The following PPIL1 variants were observed in gnomAD, a reference collection of about 807,000 sequenced individuals.
The protein encoded by PPIL1 is peptidylprolyl isomerase like 1.
In PPIL1, 14 loss-of-function variants were observed where a neutral mutation model predicts 19.4. The ratio of observed to expected loss-of-function variants is 0.72; its 90% CI spans 0.48 to 1.13. The LOEUF (loss-of-function observed/expected upper bound fraction) is 1.13. PPIL1 is among the 50% of genes most tolerant of loss of function. PPIL1 has a pLI of 0.00. For missense variants in PPIL1, 192 were observed against 218.0 expected, an observed-to-expected ratio of 0.88 and a Z score of 0.75; for synonymous variants, 72 against 73.6, an observed-to-expected ratio of 0.98 and a Z score of 0.11.
At chr6:36,865,924 T>C (rs768597704) in intron 2 of PPIL1, among the ~76,000 whole-genome samples, 9 of 152,218 alleles carry the variant, frequency 5.9e-5, no homozygotes, top group Non-Finnish European at 1.2e-4. Flanking sequence ...TAACAGAGCT[T>C]GCTGTTCAAC....
At chr6:36,860,512 TTTC>T (rs1774263946) in intron 2 of PPIL1, among the ~76,000 whole-genome samples, 2 of 152,174 alleles carry the variant, frequency 1.3e-5, no homozygotes, top group South Asian at 4.1e-4. Flanking sequence ...AATGTATTTA[TTTC>T]AGACACGCAA....
chr6:36,871,566 C>G (rs1203631642), intron 2 of PPIL1, 152 bp downstream of exon 2: 22 of 969,334 alleles, frequency 2.3e-5, no homozygotes, highest in Non-Finnish European at 5.8e-6. Context: ...CCAGAATCAA[C>G]CAACACAGAC....
intron 1 of PPIL1, among the ~76,000 whole-genome samples, chr6:36,872,320 T>C (rs960577034): frequency 2.0e-5 from 3 of 152,164 alleles, no homozygotes; most frequent in Non-Finnish European, 4.4e-5. Context: ...ACTGGGTAGA[T>C]GGAAAATAGG....
At chr6:36,865,666 C>T (rs1774381257) in intron 2 of PPIL1, among the ~76,000 whole-genome samples, 1 of 152,196 alleles carries the variant, frequency 6.6e-6, no homozygotes, top group African/African-American at 2.4e-5. Context: ...TGTGCTTTTT[C>T]CCTTATTGTG....
intron 2 of PPIL1, among the ~76,000 whole-genome samples, chr6:36,862,769 C>T (rs752455607): frequency 1.3e-5 from 2 of 152,160 alleles, no homozygotes; most frequent in African/African-American, 2.4e-5. Flanking sequence ...AAAAACAGCC[C>T]GTGGGATTAG....
At position 36,874,776 on chromosome 6, in the gene PPIL1, G is replaced by C. The variant is rs377121384; in HGVS notation, c.-4C>G. 1.9e-6 allele frequency: 3 copies of C among 1,614,106 alleles called. No individual in the cohort carries two copies. Among genetic ancestry groups the C allele is most frequent in the African/African-American group, 1.3e-5 (1 of 75,064 alleles). On this transcript the variant is annotated 5_prime_UTR_variant, in exon 1 of 4. Transcript: ENST00000373699. ...AATCTGGGGGAATTGCCGCCATAGC[G>C]AAGCCGGCGGCGGAATGCTTGTCTA...
intron 2 of PPIL1, among the ~76,000 whole-genome samples, chr6:36,867,735 T>G (rs13200132): frequency 7.2e-5 from 11 of 152,148 alleles, no homozygotes; most frequent in African/African-American, 2.7e-4. Flanking sequence ...TCTGGGAAGA[T>G]AGAACAGAGG....
At chr6:36,862,913 C>T (rs1203170259) in intron 2 of PPIL1, among the ~76,000 whole-genome samples, 2 of 152,212 alleles carry the variant, frequency 1.3e-5, no homozygotes, top group African/African-American at 2.4e-5. Flanking sequence ...TTCTCACTTG[C>T]CTTTGGGGTC....
intron 2 of PPIL1, among the ~76,000 whole-genome samples, chr6:36,870,186 C>T (rs779367475): frequency 8.6e-5 from 13 of 150,892 alleles, no homozygotes; most frequent in Admixed American, 4.0e-4. Flanking sequence ...AAGAACAAGA[C>T]TGAGAAAAGA....
In PPIL1 at chr6:36,863,102, C is replaced by T. The variant is rs1419890818; in HGVS notation, c.212-6448G>A. ...CATATGGAAGCTATCTGGTGTGTAA[C>T]ATGAGGCAAACACACAGTAGTGTCA... On this transcript the variant is annotated intron_variant, in intron 2 of 3. Coordinates refer to ENST00000373699, the MANE Select transcript of PPIL1 (RefSeq NM_016059.5). Among the ~76,000 whole-genome samples, 3 of 152,178 alleles carry T rather than the reference C, an allele frequency of 2.0e-5. No individual in the cohort carries two copies. In the East Asian group the frequency reaches 5.8e-4, roughly 29 times the overall value.
rs149166531 is a variant in PPIL1, at chr6:36,869,599, T to C, written c.211+2119A>G. 6.1e-4 allele frequency among the ~76,000 whole-genome samples: 92 copies of C among 151,942 alleles called. 2 individuals carry two copies. In the East Asian group the frequency reaches 0.016, roughly 27 times the overall value. ...TGAAAAAAAAACACTAAAAAACCAC[T>C]AGACAAGAAATCCTGCCCTCCAGCA... On this transcript the variant is annotated intron_variant, in intron 2 of 3. Transcript: ENST00000373699.
intron 2 of PPIL1, among the ~76,000 whole-genome samples, chr6:36,857,206 C>T (rs766781277): frequency 6.6e-6 from 1 of 152,148 alleles, no homozygotes; most frequent in Admixed American, 6.5e-5. Flanking sequence ...AGAGTTGAAA[C>T]CTATTTGCCA....
At chr6:36,861,774 G>A (rs55970002) in intron 2 of PPIL1, among the ~76,000 whole-genome samples, 15,345 of 149,166 alleles carry the variant, frequency 0.1, 851 homozygotes, top group South Asian at 0.12. Context: ...TTGGCTCACC[G>A]CAACCTCCGC....
chr6:36,874,395 G>T (rs1425045245), intron 1 of PPIL1, among the ~76,000 whole-genome samples: 7 of 152,148 alleles, frequency 4.6e-5, no homozygotes, highest in Non-Finnish European at 1.0e-4. Flanking sequence ...ATCTACCTCT[G>T]TATCCTCAGA....
At chr6:36,858,749 T>A (rs1774218786) in intron 2 of PPIL1, 1 of 152,256 alleles carries the variant, frequency 6.6e-6, no homozygotes, top group Non-Finnish European at 1.5e-5. Flanking sequence ...GTAAAACTCA[T>A]TCCAAAAATT....
chr6:36,861,655 C>G (rs898489553), intron 2 of PPIL1, among the ~76,000 whole-genome samples: 5 of 148,344 alleles, frequency 3.4e-5, no homozygotes, highest in Non-Finnish European at 6.0e-5. Flanking sequence ...GTTAACATTT[C>G]TTAACCTTCT....
Position 36,871,877 on chromosome 6 carries a change from A to G in PPIL1, c.57-5T>C, listed in dbSNP as rs774797189. ...TCCAGCACAATGATTCCCATGCTGCAGAGGGAGAGGACAACAGCTCCAGTA... is the reference window on the plus strand; with the variant it reads ...TCCAGCACAATGATTCCCATGCTGCGGAGGGAGAGGACAACAGCTCCAGTA... On this transcript the variant is annotated splice_region_variant and splice_polypyrimidine_tract_variant and intron_variant, in intron 1 of 3. Transcript: ENST00000373699. 2.5e-6 allele frequency: 4 copies of G among 1,573,908 alleles called. No homozygotes were observed. The highest frequency in any genetic ancestry group is 3.4e-6 in the Non-Finnish European group (4 of 1,165,604).
Position 36,855,541 on chromosome 6 carries a change from A to C in PPIL1, c.*272T>G, listed in dbSNP as rs1163600456. ...GTATATCAGAGCAGACATGCACAAG[A>C]AGCAGCATTATGGTTCATGTGTAGT... On this transcript the variant is annotated 3_prime_UTR_variant, in exon 4 of 4. Coordinates refer to ENST00000373699, the MANE Select transcript of PPIL1 (RefSeq NM_016059.5). 8.7e-6 allele frequency: 4 copies of C among 458,984 alleles called. No individual in the cohort carries two copies. The highest frequency in any genetic ancestry group is 2.0e-5 in the African/African-American group (1 of 50,696). The allele number at this position is 458,984 out of a possible 1,614,324, so 28.4% of individuals were successfully genotyped here. A position where few individuals can be genotyped will look rare whatever the true frequency, so the allele number is the denominator to read the frequency against.
intron 1 of PPIL1, among the ~76,000 whole-genome samples, chr6:36,872,596 G>A (rs1363910101): frequency 6.6e-6 from 1 of 151,664 alleles, no homozygotes; most frequent in African/African-American, 2.4e-5. Flanking sequence ...TAGACTTTAA[G>A]CTCCAAGGAT....
Sources: gnomAD v4.1 joint callset for allele counts (sites outside exome capture counted in the v4.1 genomes callset) on GRCh38, gnomAD v4.1.1 for gene constraint, MANE v1.5 for transcripts, NCBI Gene and HGNC (gene_info 2026-07-23, HGNC 2026-07-21) for gene names.